Variants in OSBPL9 observed in about 807,000 individuals in gnomAD.
OSBPL9 encodes oxysterol binding protein like 9, also known as oxysterol-binding protein-related protein 9.
In OSBPL9, 40 loss-of-function variants were observed where a neutral mutation model predicts 106.6. The ratio of observed to expected loss-of-function variants is 0.38; its 90% confidence interval spans 0.29 to 0.49. The LOEUF is 0.49. Ranked by LOEUF, OSBPL9 falls within the 20% of genes least tolerant of loss-of-function variation. OSBPL9 has a pLI of 0.97. For synonymous variants in OSBPL9, 269 were observed against 295.4 expected (o/e 0.91, Z 0.92); for missense variants, 609 against 887.2 (o/e 0.69, Z 3.98).
intron 4 of OSBPL9, among the ~76,000 whole-genome samples, chr1:51,734,587 A>C (rs1665222401): frequency 6.6e-6 from 1 of 152,228 alleles, no homozygotes; most frequent in African/African-American, 2.4e-5. Flanking sequence ...TTTACCTGGA[A>C]GTATTGGCAT....
the OSBPL9 span, among the ~76,000 whole-genome samples, chr1:51,555,851 G>A: frequency 6.6e-6 from 1 of 152,204 alleles, no homozygotes; most frequent in Non-Finnish European, 1.5e-5. Flanking sequence ...GATTACAGGT[G>A]TAAGCCACTG....
At chr1:51,610,540 A>G (rs1169811042) in intron 2 of OSBPL9, among the ~76,000 whole-genome samples, 2 of 152,344 alleles carry the variant, frequency 1.3e-5, no homozygotes, top group Middle Eastern at 3.4e-3. Flanking sequence ...GCTATGCCCC[A>G]GGCAGTATTG....
intron 2 of OSBPL9, among the ~76,000 whole-genome samples, chr1:51,609,574 C>G (rs899039832): frequency 6.7e-6 from 1 of 148,966 alleles, no homozygotes; most frequent in Non-Finnish European, 1.5e-5. Context: ...AAACTCCTGG[C>G]TTGAAGTGAT....
rs371539834 is a variant in OSBPL9, at chr1:51,712,295, G to A, written c.242-1708G>A. 5.7e-4 allele frequency among the ~76,000 whole-genome samples: 87 copies of A among 152,316 alleles called. 3 individuals are homozygous for A. The South Asian group carries it at 0.017, about 30-fold the overall frequency. On this transcript the variant is annotated intron_variant, in intron 3 of 23. Transcript: ENST00000428468. ...CGCGCGCCTGCAATCGCAGGCACTCGGCAGGCTGAGGCAGGAGAATCAGGC... is the reference window on the plus strand; with the variant it reads ...CGCGCGCCTGCAATCGCAGGCACTCAGCAGGCTGAGGCAGGAGAATCAGGC...
the OSBPL9 span, among the ~76,000 whole-genome samples, chr1:51,571,947 A>G: frequency 6.6e-6 from 1 of 152,158 alleles, no homozygotes; most frequent in Non-Finnish European, 1.5e-5. Context: ...GTGAGGGACA[A>G]CAACCAAGAA....
At position 51,786,626 on chromosome 1, in the gene OSBPL9, A is replaced by G. The variant is rs1224885255; in HGVS notation, c.2000+9A>G. 1 of 1,604,818 alleles carries G rather than the reference A, an allele frequency of 6.2e-7. No homozygotes were observed. The highest frequency in any genetic ancestry group is 1.7e-5 in the Admixed American group (1 of 59,956). ...GAGTATGAATCCCGCAGGTAAGCCGACATTGTTAAGTGGAACTATTGCTGC... is the reference window on the plus strand; with the variant it reads ...GAGTATGAATCCCGCAGGTAAGCCGGCATTGTTAAGTGGAACTATTGCTGC... On this transcript the variant is annotated intron_variant, in intron 22 of 23. Coordinates refer to ENST00000428468, the MANE Select transcript of OSBPL9 (RefSeq NM_024586.6).
the OSBPL9 span, among the ~76,000 whole-genome samples, chr1:51,533,863 G>C: frequency 1.2e-4 from 3 of 25,414 alleles, no homozygotes; most frequent in African/African-American, 5.5e-4. Flanking sequence ...TTTTTTTTTT[G>C]CAGAGGAATA....
At chr1:51,578,521 G>A (rs1408952182) in intron 1 of OSBPL9, among the ~76,000 whole-genome samples, 1 of 152,138 alleles carries the variant, frequency 6.6e-6, no homozygotes. Flanking sequence ...CCCTTTAGTG[G>A]TCATTTAATC....
intron 12 of OSBPL9, among the ~76,000 whole-genome samples, chr1:51,771,346 C>T (rs1230401149): frequency 6.6e-6 from 1 of 151,946 alleles, no homozygotes; most frequent in Admixed American, 6.6e-5. Flanking sequence ...TATACAAATA[C>T]CAACTGGGTG....
intron 3 of OSBPL9, among the ~76,000 whole-genome samples, chr1:51,711,967 G>A (rs1306222893): frequency 6.6e-6 from 1 of 151,744 alleles, no homozygotes; most frequent in Non-Finnish European, 1.5e-5. Context: ...CATCCCAGAC[G>A]ATGGGCGGCC....
intron 5 of OSBPL9, among the ~76,000 whole-genome samples, chr1:51,746,460 A>C (rs571097322): frequency 1.3e-5 from 2 of 152,360 alleles, no homozygotes; most frequent in African/African-American, 4.8e-5. Flanking sequence ...ATTTTTTAAA[A>C]GTCATCTGTT....
chr1:51,628,273 A>G (rs539403843), intron 1 of OSBPL9, among the ~76,000 whole-genome samples: 1 of 152,324 alleles, frequency 6.6e-6, no homozygotes, highest in East Asian at 1.9e-4. Flanking sequence ...TATACATGAT[A>G]TTCTACAACC....
chr1:51,674,848 G>A (rs1650788197), intron 3 of OSBPL9, among the ~76,000 whole-genome samples: 1 of 152,152 alleles, frequency 6.6e-6, no homozygotes, highest in African/African-American at 2.4e-5. Flanking sequence ...GGGCCACATT[G>A]GAAGAAGAAT....
intron 3 of OSBPL9, among the ~76,000 whole-genome samples, chr1:51,673,039 A>G (rs1650268368): frequency 1.3e-5 from 2 of 152,224 alleles, no homozygotes; most frequent in South Asian, 4.1e-4. Context: ...GAGAGAAAAG[A>G]GGTCCAACTA....
At chr1:51,529,160 A>G in the OSBPL9 span, among the ~76,000 whole-genome samples, 1 of 152,206 alleles carries the variant, frequency 6.6e-6, no homozygotes, top group Non-Finnish European at 1.5e-5. Context: ...TGATTCTAAA[A>G]TTCATATGGA....
At position 51,650,740 on chromosome 1, in the gene OSBPL9, A is replaced by C. The variant is rs372548477; in HGVS notation, c.112-1251A>C. ...TGCTGCTTTCTCACACAGGTGGAGT[A>C]CAGGAAAATACCAGTTGTTCAAGTA... On this transcript the variant is annotated intron_variant, in intron 1 of 23. Coordinates refer to ENST00000428468, the MANE Select transcript of OSBPL9 (RefSeq NM_024586.6). 1.1e-4 allele frequency among the ~76,000 whole-genome samples: 17 copies of C among 152,342 alleles called. No homozygotes were observed. In the East Asian group the frequency reaches 2.3e-3, roughly 21 times the overall value.
At position 51,753,340 on chromosome 1, in the gene OSBPL9, G is replaced by T. The variant is rs573773826; in HGVS notation, c.544-2980G>T. On this transcript the variant is annotated intron_variant, in intron 8 of 23. Coordinates refer to ENST00000428468, the MANE Select transcript of OSBPL9 (RefSeq NM_024586.6). ...CATATACAAGAGGGATAATAGTAAT[G>T]TCTGTCTCTTACTGATGCTGTGAGA... Among the ~76,000 whole-genome samples, 7 of 152,254 alleles carry T rather than the reference G, an allele frequency of 4.6e-5. No homozygotes were observed. The East Asian group carries it at 5.8e-4, about 13-fold the overall frequency.
intron 1 of OSBPL9, among the ~76,000 whole-genome samples, chr1:51,588,626 G>C (rs1310997556): frequency 1.3e-5 from 2 of 152,192 alleles, no homozygotes; most frequent in African/African-American, 4.8e-5. Context: ...ACTCCAGCCT[G>C]GGTGACAGAG....
At chr1:51,670,288 C>T (rs1649562229) in intron 3 of OSBPL9, among the ~76,000 whole-genome samples, 1 of 152,164 alleles carries the variant, frequency 6.6e-6, no homozygotes, top group Non-Finnish European at 1.5e-5. Context: ...AGTAATCTCT[C>T]TTTTATGTTT....
Sources: allele counts gnomAD v4.1 joint callset (sites outside exome capture counted in the v4.1 genomes callset), GRCh38; gene constraint gnomAD v4.1.1; transcripts MANE v1.5; gene names NCBI Gene and HGNC (gene_info 2026-07-23, HGNC 2026-07-21).